The following MAMDC2 variants were observed in gnomAD, a reference collection of about 807,000 sequenced individuals.
The protein encoded by MAMDC2 is MAM domain-containing protein 2.
Under a neutral mutation model 89.8 loss-of-function variants are expected in MAMDC2, and 57 were observed. The ratio of observed to expected loss-of-function variants is 0.63; its 90% confidence interval spans 0.51 to 0.79. The LOEUF is 0.79. Ranked by LOEUF, MAMDC2 falls within the 30% of genes least tolerant of loss-of-function variation. MAMDC2 has a pLI of 0.00. For missense variants in MAMDC2, 800 were observed against 820.6 expected, an observed-to-expected ratio of 0.97 and a Z score of 0.31; for synonymous variants, 313 against 293.4, an observed-to-expected ratio of 1.07 and a Z score of -0.68.
intron 2 of MAMDC2, among the ~76,000 whole-genome samples, chr9:70,085,528 C>T (rs1261330969): frequency 6.6e-6 from 1 of 152,118 alleles, no homozygotes; most frequent in East Asian, 1.9e-4. Flanking sequence ...AGCTTAGTCT[C>T]GCCCTCCTGA....
chr9:70,223,122 G>C (rs1262182305), intron 12 of MAMDC2, among the ~76,000 whole-genome samples: 1 of 121,092 alleles, frequency 8.3e-6, no homozygotes, highest in East Asian at 2.7e-4. Context: ...TTGAGAGCAA[G>C]ACTCTGTCTC....
intron 11 of MAMDC2, among the ~76,000 whole-genome samples, chr9:70,183,037 G>A (rs1178944951): frequency 6.6e-6 from 1 of 152,064 alleles, no homozygotes; most frequent in Non-Finnish European, 1.5e-5. Context: ...CAGAGATTCT[G>A]GTACATTGTG....
At chr9:70,050,011 G>A (rs1308707595) in intron 2 of MAMDC2, among the ~76,000 whole-genome samples, 1 of 152,134 alleles carries the variant, frequency 6.6e-6, no homozygotes, top group South Asian at 2.1e-4. Context: ...AAACATCCCT[G>A]TCTCCACTCT....
intron 5 of MAMDC2, among the ~76,000 whole-genome samples, chr9:70,121,078 G>A (rs1317777429): frequency 6.6e-6 from 1 of 152,208 alleles, no homozygotes; most frequent in Non-Finnish European, 1.5e-5. Flanking sequence ...GCGCATCACA[G>A]CTGAGTCAGA....
chr9:70,140,374 C>T (rs562170531), intron 8 of MAMDC2, 86 bp downstream of exon 8: 54 of 1,388,196 alleles, frequency 3.9e-5, no homozygotes, highest in African/African-American at 1.7e-4. Flanking sequence ...GCAAAGACAT[C>T]GACTTAAAGA....
intron 11 of MAMDC2, among the ~76,000 whole-genome samples, chr9:70,198,420 G>A (rs1033083091): frequency 6.6e-6 from 1 of 152,012 alleles, no homozygotes; most frequent in African/African-American, 2.4e-5. Context: ...ATACTATGCT[G>A]TCAGAATTCC....
intron 2 of MAMDC2, among the ~76,000 whole-genome samples, chr9:70,078,079 T>C (rs1183146186): frequency 6.6e-6 from 1 of 150,698 alleles, no homozygotes; most frequent in Non-Finnish European, 1.5e-5. Flanking sequence ...ATAATTTTTA[T>C]TAGGAAATAG....
chr9:70,196,780 C>T (rs886836689), intron 11 of MAMDC2, among the ~76,000 whole-genome samples: 1 of 152,012 alleles, frequency 6.6e-6, no homozygotes, highest in Admixed American at 6.6e-5. Flanking sequence ...AACTCTGGTA[C>T]CATGTGGCAA....
chr9:70,168,654 C>T, intron 9 of MAMDC2, 48 bp from the exon 10 acceptor site: 1 of 1,508,146 alleles, frequency 6.6e-7, no homozygotes, highest in Non-Finnish European at 9.2e-7. Context: ...TTAGGAGTTT[C>T]CAGTTTTCAG....
chr9:70,096,928 T>A (rs1828045403), intron 2 of MAMDC2, among the ~76,000 whole-genome samples: 1 of 152,080 alleles, frequency 6.6e-6, no homozygotes, highest in Non-Finnish European at 1.5e-5. Context: ...ACCTCTAAGG[T>A]GAAAAATGTC....
chr9:70,109,331 T>G, intron 3 of MAMDC2: 1 of 173,854 alleles, frequency 5.8e-6, no homozygotes, highest in Non-Finnish European at 1.2e-5. Flanking sequence ...CCAGCATAGT[T>G]GCAGAATATA....
At chr9:70,052,718 G>T (rs1795325053) in intron 2 of MAMDC2, among the ~76,000 whole-genome samples, 1 of 152,140 alleles carries the variant, frequency 6.6e-6, no homozygotes, top group Non-Finnish European at 1.5e-5. Flanking sequence ...CCATTGTTGA[G>T]ATTGATGGAA....
At chr9:70,073,123 T>A (rs1321838657) in intron 2 of MAMDC2, among the ~76,000 whole-genome samples, 1 of 152,210 alleles carries the variant, frequency 6.6e-6, no homozygotes, top group East Asian at 1.9e-4. Context: ...TGTGAGCCAC[T>A]GAATCCAGCC....
intron 2 of MAMDC2, among the ~76,000 whole-genome samples, chr9:70,069,820 T>C (rs948348430): frequency 3.3e-5 from 5 of 152,210 alleles, no homozygotes; most frequent in Non-Finnish European, 7.3e-5. Flanking sequence ...CAGAAACATT[T>C]GTTCTTTTGG....
At chr9:70,092,044 G>C (rs929518918) in intron 2 of MAMDC2, among the ~76,000 whole-genome samples, 1 of 152,072 alleles carries the variant, frequency 6.6e-6, no homozygotes, top group African/African-American at 2.4e-5. Context: ...TGACTGGCAG[G>C]GTAGACTGCT....
At chr9:70,176,483 A>G (rs1212925478) in intron 11 of MAMDC2, among the ~76,000 whole-genome samples, 4 of 152,230 alleles carry the variant, frequency 2.6e-5, no homozygotes, top group South Asian at 2.1e-4. Flanking sequence ...AAAATTTTGA[A>G]TGCACAAACT....
intron 11 of MAMDC2, among the ~76,000 whole-genome samples, chr9:70,200,006 A>G (rs376885806): frequency 5.9e-4 from 89 of 151,994 alleles, no homozygotes; most frequent in Non-Finnish European, 1.1e-3. Flanking sequence ...TAGGTTGCCT[A>G]TTCACTCTGA....
intron 2 of MAMDC2, among the ~76,000 whole-genome samples, chr9:70,075,891 A>T (rs1294923278): frequency 6.6e-6 from 1 of 152,228 alleles, no homozygotes; most frequent in Admixed American, 6.5e-5. Context: ...CTAAGTACTG[A>T]TGGAGGGAAA....
chr9:70,214,998 T>C (rs1431874207), intron 11 of MAMDC2, among the ~76,000 whole-genome samples: 2 of 152,062 alleles, frequency 1.3e-5, no homozygotes, highest in African/African-American at 2.4e-5. Flanking sequence ...AGGTTGAAAA[T>C]TTGAGTTTGA....
Sources: gnomAD v4.1 joint callset for allele counts (sites outside exome capture counted in the v4.1 genomes callset) on GRCh38, gnomAD v4.1.1 for gene constraint, MANE v1.5 for transcripts, NCBI Gene and HGNC (gene_info 2026-07-23, HGNC 2026-07-21) for gene names.